ZNF438: variants seen among roughly 807,000 people sequenced by gnomAD.
ZNF438 encodes zinc finger protein 438.
ZNF438 carries 25 observed loss-of-function variants against 38.0 expected under a neutral mutation model. That is an observed-to-expected ratio of 0.66 (90% confidence interval 0.48 to 0.92). ZNF438 has a LOEUF of 0.92. Ranked by LOEUF, ZNF438 falls within the 40% of genes least tolerant of loss-of-function variation. The pLI, the probability that ZNF438 is intolerant of heterozygous loss-of-function variation, is 0.00. For missense variants in ZNF438, 1,007 were observed against 999.6 expected (o/e 1.01, Z -0.10); for synonymous variants, 372 against 364.1 (o/e 1.02, Z -0.25).
At chr10:30,901,992 G>A (rs1476866549) in intron 3 of ZNF438, among the ~76,000 whole-genome samples, 1 of 150,082 alleles carries the variant, frequency 6.7e-6, no homozygotes, top group Non-Finnish European at 1.5e-5. Flanking sequence ...TGATCTGGCT[G>A]GCTTTAGGAG....
intron 1 of ZNF438, among the ~76,000 whole-genome samples, chr10:30,969,254 A>G (rs929716193): frequency 2.0e-5 from 3 of 152,244 alleles, no homozygotes; most frequent in African/African-American, 4.8e-5. Context: ...CAAAAAAATC[A>G]AAAGATTTTT....
intron 2 of ZNF438, among the ~76,000 whole-genome samples, chr10:30,927,137 C>CT (rs1412934725): frequency 2.6e-5 from 4 of 152,064 alleles, no homozygotes; most frequent in Non-Finnish European, 5.9e-5. Context: ...CCAAGGCTGC[C>CT]TTGCCAGCCT....
chr10:30,978,317 C>A (rs1030215616), intron 1 of ZNF438, among the ~76,000 whole-genome samples: 3 of 152,058 alleles, frequency 2.0e-5, no homozygotes, highest in Non-Finnish European at 1.5e-5. Flanking sequence ...ATATTGTATA[C>A]ACTGATTTAT....
At chr10:30,856,173 C>A (rs1043460525) in intron 4 of ZNF438, among the ~76,000 whole-genome samples, 1 of 152,074 alleles carries the variant, frequency 6.6e-6, no homozygotes, top group African/African-American at 2.4e-5. Context: ...GAATTGCTAA[C>A]GATCAGGGAA....
At chr10:30,865,496 T>C (rs2036278334) in intron 4 of ZNF438, among the ~76,000 whole-genome samples, 1 of 152,340 alleles carries the variant, frequency 6.6e-6, no homozygotes, top group South Asian at 2.1e-4. Context: ...AAAAATAATA[T>C]ACATTTCTTA....
chr10:31,003,912 G>T (rs1474000949), intron 1 of ZNF438, among the ~76,000 whole-genome samples: 2 of 152,138 alleles, frequency 1.3e-5, no homozygotes, highest in African/African-American at 4.8e-5. Context: ...AAAATCTGGG[G>T]GGAGAGCATA....
chr10:30,879,415 AT>A (rs1319150308), intron 3 of ZNF438, among the ~76,000 whole-genome samples: 1 of 152,246 alleles, frequency 6.6e-6, no homozygotes, highest in Non-Finnish European at 1.5e-5. Flanking sequence ...AAATACAAAA[AT>A]ATCTACCACC....
chr10:31,030,300 C>T (rs1296010808), intron 1 of ZNF438, among the ~76,000 whole-genome samples: 1 of 152,174 alleles, frequency 6.6e-6, no homozygotes, highest in African/African-American at 2.4e-5. Flanking sequence ...CTTATGACTA[C>T]CTGAAATTAC....
At chr10:30,921,815 G>C (rs2044328585) in intron 2 of ZNF438, among the ~76,000 whole-genome samples, 1 of 152,098 alleles carries the variant, frequency 6.6e-6, no homozygotes. Flanking sequence ...CTATTTCCAG[G>C]TCCTCAACTC....
intron 4 of ZNF438, among the ~76,000 whole-genome samples, chr10:30,873,114 CCT>C (rs2037759572): frequency 6.6e-6 from 1 of 152,104 alleles, no homozygotes; most frequent in Non-Finnish European, 1.5e-5. Flanking sequence ...TGTTTTCATG[CCT>C]CTTTTTTGAA....
chr10:30,893,253 A>G, intron 3 of ZNF438, among the ~76,000 whole-genome samples: 1 of 152,246 alleles, frequency 6.6e-6, no homozygotes, highest in East Asian at 1.9e-4. Flanking sequence ...ATATGCAAAC[A>G]CTGTATTTTA....
At chr10:30,946,217 A>G (rs916181127) in intron 1 of ZNF438, among the ~76,000 whole-genome samples, 1 of 151,828 alleles carries the variant, frequency 6.6e-6, no homozygotes, top group African/African-American at 2.4e-5. Context: ...AGACTTAAAC[A>G]TTAGACCTAA....
At chr10:30,850,079 G>C (rs2033275120) in exon 5 of ZNF438, 3 of 1,614,052 alleles carry the variant, frequency 1.9e-6, no homozygotes, top group African/African-American at 2.7e-5. Flanking sequence ...GGACATTCTG[G>C]GTTTCTGAAT....
At chr10:30,961,761 G>A (rs1180076400) in intron 1 of ZNF438, among the ~76,000 whole-genome samples, 10 of 145,666 alleles carry the variant, frequency 6.9e-5, no homozygotes, top group African/African-American at 2.2e-4. Flanking sequence ...GGTGGCGTGC[G>A]CCTGTGATCC....
intron 3 of ZNF438, among the ~76,000 whole-genome samples, chr10:30,878,696 A>T (rs184257402): frequency 6.6e-6 from 1 of 152,280 alleles, no homozygotes; most frequent in East Asian, 1.9e-4. Context: ...CTAAGCTAAG[A>T]GGGCATTGTA....
intron 1 of ZNF438, among the ~76,000 whole-genome samples, chr10:30,947,564 T>C (rs1040941876): frequency 1.3e-5 from 2 of 152,270 alleles, no homozygotes; most frequent in African/African-American, 2.4e-5. Flanking sequence ...CAGTTGGAGC[T>C]TCCCGGCTGC....
intron 1 of ZNF438, among the ~76,000 whole-genome samples, chr10:30,942,093 C>G (rs1041485382): frequency 6.6e-6 from 1 of 152,114 alleles, no homozygotes; most frequent in African/African-American, 2.4e-5. Flanking sequence ...GTAGTAAGTG[C>G]TACAAGTGAC....
At chr10:30,888,344 A>AACAC (rs140506626) in intron 3 of ZNF438, among the ~76,000 whole-genome samples, 45 of 147,292 alleles carry the variant, frequency 3.1e-4, no homozygotes, top group Admixed American at 1.1e-3. Context: ...TAATATTATA[A>AACAC]ACACACACAC....
chr10:30,871,412 A>T (rs1012071929), intron 4 of ZNF438, among the ~76,000 whole-genome samples: 3 of 152,238 alleles, frequency 2.0e-5, no homozygotes, highest in African/African-American at 7.2e-5. Flanking sequence ...TTTATACATA[A>T]TTTAATATGC....
Sources: gnomAD v4.1 joint callset for allele counts (sites outside exome capture counted in the v4.1 genomes callset) on GRCh38, gnomAD v4.1.1 for gene constraint, MANE v1.5 for transcripts, NCBI Gene and HGNC (gene_info 2026-07-23, HGNC 2026-07-21) for gene names.